Variants in DOCK1 observed in about 807,000 individuals in gnomAD.
DOCK1 encodes the protein dedicator of cytokinesis 1, also known as dedicator of cytokinesis protein 1.
Under a neutral mutation model 262.7 loss-of-function variants are expected in DOCK1, and 138 were observed. The ratio of observed to expected loss-of-function variants is 0.53; its 90% CI spans 0.46 to 0.61. DOCK1 has a LOEUF of 0.61. Ranked by LOEUF, DOCK1 falls within the 20% of genes least tolerant of loss-of-function variation. The pLI, the probability that DOCK1 is intolerant of heterozygous loss-of-function variation, is 0.00. For missense variants in DOCK1, 1,908 were observed against 2,370.7 expected, an observed-to-expected ratio of 0.80 and a Z score of 4.05; for synonymous variants, 866 against 867.4, an observed-to-expected ratio of 1.00 and a Z score of 0.03.
intron 29 of DOCK1, among the ~76,000 whole-genome samples, chr10:127,260,088 T>G (rs1464864121): frequency 2.0e-5 from 3 of 152,184 alleles, no homozygotes; most frequent in Non-Finnish European, 4.4e-5. Context: ...ATGAATTTGC[T>G]GCAAACCAGT....
chr10:127,227,300 T>C (rs749865090), intron 27 of DOCK1, among the ~76,000 whole-genome samples: 1 of 152,134 alleles, frequency 6.6e-6, no homozygotes, highest in Non-Finnish European at 1.5e-5. Context: ...CCTACCACCA[T>C]TAAGGATGCC....
intron 28 of DOCK1, among the ~76,000 whole-genome samples, chr10:127,248,704 A>T (rs1331901499): frequency 6.6e-6 from 1 of 152,216 alleles, no homozygotes; most frequent in South Asian, 2.1e-4. Context: ...CAAAGCTGCA[A>T]CCAAACTTGT....
intron 1 of DOCK1, among the ~76,000 whole-genome samples, chr10:126,934,831 A>C (rs1051384787): frequency 6.6e-6 from 1 of 151,222 alleles, no homozygotes; most frequent in South Asian, 2.1e-4. Flanking sequence ...AAAGTATAAA[A>C]CTAGGCCGGG....
intron 38 of DOCK1, among the ~76,000 whole-genome samples, chr10:127,386,565 T>A (rs1289111483): frequency 6.6e-6 from 1 of 151,428 alleles, no homozygotes; most frequent in African/African-American, 2.4e-5. Context: ...ATACTCCTCA[T>A]GAGAATCTAA....
rs200132165 is a variant in DOCK1 at position 127,354,672 on chromosome 10, C to T, written c.3228C>T (p.Tyr1076=). The T allele has an allele frequency of 1.4e-4, 229 of 1,613,656 alleles. No individual in the cohort carries two copies. Among genetic ancestry groups the T allele is most frequent in the Middle Eastern group, 3.3e-4 (2 of 6,084 alleles). ...SAKRAKILNK[Y]GDMRRQIGFE... The stretch of plus-strand genomic sequence containing the variant: ...TTTTCTTTTCCCTGATTTCCAGGTA[C>T]GGAGATATGAGGAGACAGATTGGCT... The change falls in exon 32 of 52, where the codon TAC becomes TAT. Residue 1076 remains tyrosine, a synonymous_variant. Coordinates refer to ENST00000623213, the MANE Select transcript of DOCK1 (RefSeq NM_001290223.2).
intron 29 of DOCK1, among the ~76,000 whole-genome samples, chr10:127,261,644 C>T (rs1488698849): frequency 2.6e-5 from 1 of 38,366 alleles, no homozygotes; most frequent in African/African-American, 1.3e-4. Context: ...TGTGTACCTG[C>T]ATGTGTGTGC....
chr10:126,915,246 G>A (rs2032323262), intron 1 of DOCK1, among the ~76,000 whole-genome samples: 2 of 152,306 alleles, frequency 1.3e-5, no homozygotes, highest in East Asian at 3.9e-4. Context: ...CACCCTGAAA[G>A]TCACTTGGCA....
At chr10:126,987,704 T>G in intron 5 of DOCK1, 87 bp downstream of exon 5, 1 of 1,184,808 alleles carries the variant, frequency 8.4e-7, no homozygotes, top group Non-Finnish European at 1.2e-6. Flanking sequence ...TTTTTTTTTC[T>G]CAGCGAAACT....
rs1211453731 is a variant in DOCK1 at position 127,452,053 on chromosome 10, T to C, written c.*626T>C. The C allele has an allele frequency of 1.3e-5, 2 of 152,700 alleles. No individual in the cohort carries two copies. The highest frequency in any genetic ancestry group is 2.4e-5 in the African/African-American group (1 of 41,460). 9.5% of individuals were successfully genotyped at this position (152,700 alleles called of 1,614,324 possible). On this transcript the variant is annotated 3_prime_UTR_variant, in exon 52 of 52. Transcript: ENST00000623213. ...TATGGGGTGGAAACAGCATTAAGAA[T>C]ACTGAATCAAATGGAAAAACAAATG...
chr10:127,288,545 AT>A (rs2061239528), intron 29 of DOCK1, among the ~76,000 whole-genome samples: 1 of 152,024 alleles, frequency 6.6e-6, no homozygotes, highest in Non-Finnish European at 1.5e-5. Flanking sequence ...AGGAAAAAAA[AT>A]CAACATGAAT....
intron 25 of DOCK1, 53 bp from the exon 26 acceptor site, chr10:127,125,421 G>A (rs540569146): frequency 3.1e-6 from 5 of 1,604,858 alleles, no homozygotes; most frequent in South Asian, 2.2e-5. Flanking sequence ...TAGCAAACAC[G>A]AGTTGCGTCT....
intron 44 of DOCK1, among the ~76,000 whole-genome samples, chr10:127,418,088 G>A (rs749419238): frequency 6.6e-6 from 1 of 152,168 alleles, no homozygotes; most frequent in Admixed American, 6.5e-5. Context: ...ACTCAAGGCT[G>A]CGTGTTTTCC....
chr10:127,360,429 T>G (rs2064359207), intron 32 of DOCK1, among the ~76,000 whole-genome samples: 1 of 152,162 alleles, frequency 6.6e-6, no homozygotes, highest in South Asian at 2.1e-4. Context: ...TCGCCAGATT[T>G]CCTGATGGTG....
intron 27 of DOCK1, among the ~76,000 whole-genome samples, chr10:127,156,718 G>A (rs532222401): frequency 2.6e-5 from 4 of 151,740 alleles, no homozygotes; most frequent in South Asian, 2.1e-4. Context: ...ACAGGCATAC[G>A]CCACCACTCC....
chr10:127,125,056 G>A (rs1035208706), intron 25 of DOCK1, among the ~76,000 whole-genome samples: 2 of 152,052 alleles, frequency 1.3e-5, no homozygotes, highest in African/African-American at 4.8e-5. Context: ...GGCGGAGCTT[G>A]CAGTGAGCCG....
At chr10:127,378,656 A>G (rs1018712076) in intron 35 of DOCK1, among the ~76,000 whole-genome samples, 3 of 152,242 alleles carry the variant, frequency 2.0e-5, no homozygotes, top group Non-Finnish European at 4.4e-5. Context: ...GAAATTGTAA[A>G]GAAAAATGAT....
At chr10:126,937,983 T>G (rs1231801162) in intron 1 of DOCK1, among the ~76,000 whole-genome samples, 8 of 152,202 alleles carry the variant, frequency 5.3e-5, no homozygotes, top group African/African-American at 1.9e-4. Context: ...GTTTTAGCTC[T>G]TGTGCTTAGG....
Position 127,452,146 on chromosome 10 carries a change from T to A in DOCK1, c.*719T>A, listed in dbSNP as rs2071005357. Reference sequence around the variant, plus strand: ...TGTGTACCACAAGAGCTGGTTTTAATTGGGTGAATTGTTTTTGTCCTCATT... The same window carrying A: ...TGTGTACCACAAGAGCTGGTTTTAAATGGGTGAATTGTTTTTGTCCTCATT... On this transcript the variant is annotated 3_prime_UTR_variant, in exon 52 of 52. Transcript: ENST00000623213. 6.5e-6 allele frequency: 1 copy of A among 152,674 alleles called. No individual in the cohort carries two copies. The highest frequency in any genetic ancestry group is 1.5e-5 in the Non-Finnish European group (1 of 68,042). The allele number at this position is 152,674 out of a possible 1,614,324, so 9.5% of individuals were successfully genotyped here. A position where few individuals can be genotyped will look rare whatever the true frequency, so the allele number is the denominator to read the frequency against.
Position 127,153,393 on chromosome 10 carries a change from C to T in DOCK1, c.2847+25629C>T, listed in dbSNP as rs142354300. On this transcript the variant is annotated intron_variant, in intron 27 of 51. Coordinates refer to ENST00000623213, the MANE Select transcript of DOCK1 (RefSeq NM_001290223.2). The stretch of plus-strand genomic sequence containing the variant: ...CTGGAGCAGGGATTCTGCCCGGAGA[C>T]AGGCAGGCAGCACAATCCTCGAGAG... 1.1e-4 allele frequency among the ~76,000 whole-genome samples: 16 copies of T among 152,278 alleles called. No individual in the cohort carries two copies. In the East Asian group the frequency reaches 2.7e-3, roughly 26 times the overall value.
Sources: gnomAD v4.1 joint callset for allele counts (sites outside exome capture counted in the v4.1 genomes callset) on GRCh38, gnomAD v4.1.1 for gene constraint, MANE v1.5 for transcripts, NCBI Gene and HGNC (gene_info 2026-07-23, HGNC 2026-07-21) for gene names.